The following CEP295 variants were observed in gnomAD, a reference collection of about 807,000 sequenced individuals.
The protein encoded by CEP295 is centrosomal protein of 295 kDa.
CEP295 carries 190 observed loss-of-function variants against 291.6 expected under a neutral mutation model. That is an observed-to-expected ratio of 0.65 (90% CI 0.58 to 0.73). The LOEUF (loss-of-function observed/expected upper bound fraction) is 0.73. Among genes scored for constraint, CEP295 ranks in the 30% least tolerant of loss-of-function variants. The probability of loss-of-function intolerance (pLI) is 0.00; values close to 1 mark genes in which losing one functional copy is unlikely to be tolerated. For synonymous variants in CEP295, 993 were observed against 1,038.8 expected, an observed-to-expected ratio of 0.96 and a Z score of 0.85; for missense variants, 2,863 against 2,949.4, an observed-to-expected ratio of 0.97 and a Z score of 0.68.
Position 93,727,162 on chromosome 11 carries a change from AG to A in CEP295, c.6687del (p.Gln2229HisfsTer4). 6.4e-7 allele frequency: 1 copy of A among 1,550,590 alleles called. No individual in the cohort carries two copies. The stretch of plus-strand genomic sequence containing the variant: ...AACAAGAAAAAAATTGTTCATTTCC[AG>A]CTTTCTATAGGAAACTTAAGTTCAG... ...LQNKKKIVHF[Q>X]LSIGNLSSVY... On this transcript the variant is annotated frameshift_variant, in exon 24 of 30. Coordinates refer to ENST00000325212, the MANE Select transcript of CEP295 (RefSeq NM_033395.2). LOFTEE classifies it high-confidence loss of function.
intron 9 of CEP295, among the ~76,000 whole-genome samples, chr11:93,685,441 A>G (rs956697516): frequency 2.0e-5 from 3 of 152,196 alleles, no homozygotes; most frequent in East Asian, 1.9e-4. Context: ...TAGGCCTCCT[A>G]TTAGACTCCT....
chr11:93,701,654 A>T (rs1218395128), intron 15 of CEP295, among the ~76,000 whole-genome samples: 1 of 151,994 alleles, frequency 6.6e-6, no homozygotes, highest in Admixed American at 6.6e-5. Context: ...ACCAGGCTGG[A>T]GTGCCGTGAC....
intron 18 of CEP295, among the ~76,000 whole-genome samples, chr11:93,709,165 C>T (rs1055427565): frequency 6.6e-6 from 1 of 152,100 alleles, no homozygotes; most frequent in African/African-American, 2.4e-5. Context: ...TTCCATTTGT[C>T]CATTTTTGCT....
chr11:93,671,153 G>T (rs1320628042), intron 5 of CEP295, among the ~76,000 whole-genome samples: 1 of 152,144 alleles, frequency 6.6e-6, no homozygotes, highest in African/African-American at 2.4e-5. Flanking sequence ...AAAGTGCTAG[G>T]ATTACAGATG....
chr11:93,671,396 A>T (rs1445207052), intron 5 of CEP295, among the ~76,000 whole-genome samples: 1 of 151,884 alleles, frequency 6.6e-6, no homozygotes, highest in Admixed American at 6.6e-5. Flanking sequence ...GATGTTCGTA[A>T]TATCTGAAAT....
Position 93,697,076 on chromosome 11 carries a change from G to A in CEP295, c.2164G>A (p.Asp722Asn). 6.4e-7 allele frequency: 1 copy of A among 1,551,650 alleles called. No individual in the cohort carries two copies. Among genetic ancestry groups the A allele is most frequent in the Non-Finnish European group, 8.7e-7 (1 of 1,146,998 alleles). Residue 722 changes from aspartate to asparagine, a missense_variant, in exon 15 of 30, where the codon GAC becomes AAC. Asp to Asn is a conservative substitution (Grantham distance 23). Transcript: ENST00000325212. ...CTCTCAGACTGAAACACAACAGAGA[G>A]ACTATAAATTGGTCCCCAAAGATTC... is the stretch of plus-strand genomic sequence containing the variant. ...QFSQTETQQRDYKLVPKDSET... is the reference protein window; with the variant it reads ...QFSQTETQQRNYKLVPKDSET...
At chr11:93,721,798 G>C in intron 19 of CEP295, 156 bp from the exon 20 acceptor site, 1 of 719,238 alleles carries the variant, frequency 1.4e-6, no homozygotes. Context: ...ATCATTTCTG[G>C]GCAATGATGA....
Position 93,698,375 on chromosome 11 carries a change from C to G in CEP295, c.3463C>G (p.His1155Asp). Residue 1155 changes from histidine (H) to aspartate (D), a missense_variant, in exon 15 of 30, where the codon CAT (histidine) becomes GAT (aspartate). By Grantham distance (81) the His-to-Asp change is moderately conservative. Transcript: ENST00000325212. ...FQDKSLSFPQ[H>D]SLAQQENLTI... The stretch of plus-strand genomic sequence containing the variant: ...GGATAAGTCTCTTAGTTTTCCACAG[C>G]ATAGCCTGGCACAGCAAGAAAATTT... 1 of 1,552,196 alleles carries G rather than the reference C, an allele frequency of 6.4e-7. No individual in the cohort carries two copies. Among genetic ancestry groups the G allele is most frequent in the Non-Finnish European group, 8.7e-7 (1 of 1,147,104 alleles).
intron 15 of CEP295, among the ~76,000 whole-genome samples, chr11:93,701,440 C>T (rs1035625141): frequency 9.2e-5 from 14 of 152,012 alleles, no homozygotes; most frequent in Admixed American, 2.0e-4. Context: ...CCTTTGATGT[C>T]GAGAAGAAGC....
chr11:93,674,562 T>C (rs1247005124), intron 5 of CEP295, among the ~76,000 whole-genome samples: 1 of 152,186 alleles, frequency 6.6e-6, no homozygotes. Flanking sequence ...TTAAAAGTGC[T>C]TTTTATACAT....
At chr11:93,700,866 CAAATCA>C (rs1952113852) in intron 15 of CEP295, among the ~76,000 whole-genome samples, 1 of 152,132 alleles carries the variant, frequency 6.6e-6, no homozygotes, top group Admixed American at 6.5e-5. Flanking sequence ...CATTTATATA[CAAATCA>C]AAATCAATAC....
Position 93,668,928 on chromosome 11 carries a change from A to T in CEP295, c.430A>T (p.Thr144Ser). The T allele has an allele frequency of 8.5e-7, 1 of 1,173,298 alleles. No individual in the cohort carries two copies. The highest frequency in any genetic ancestry group is 1.4e-5 in the South Asian group (1 of 69,680). The allele number at this position is 1,173,298 out of a possible 1,614,324, so 72.7% of individuals were successfully genotyped here. ...AAAAGAAATATTACTGAAACAAAAA[A>T]CCTGGTAAAGTAATAATTTTTACTA... ...NQKEILLKQK[T>S]WHIKARKEAL... Residue 144 changes from threonine (T) to serine (S), a missense_variant, in exon 4 of 30, where the codon ACC (threonine) becomes TCC (serine). Around this residue, in one of 3 missense-constraint regions of CEP295, gnomAD observed 554 missense variants for 576.0 expected, o/e 0.96. Coordinates refer to ENST00000325212, the MANE Select transcript of CEP295 (RefSeq NM_033395.2).
At chr11:93,700,634 A>C (rs868202862) in intron 15 of CEP295, among the ~76,000 whole-genome samples, 1 of 151,364 alleles carries the variant, frequency 6.6e-6, no homozygotes, top group Admixed American at 6.6e-5. Flanking sequence ...GGGTTTCCCC[A>C]TGTTGCTGGG....
intron 5 of CEP295, among the ~76,000 whole-genome samples, chr11:93,673,435 C>T (rs918271766): frequency 2.6e-5 from 4 of 152,166 alleles, no homozygotes; most frequent in Non-Finnish European, 4.4e-5. Context: ...TAGTTATCTT[C>T]TGACTGGTCT....
intron 15 of CEP295, 42 bp from the exon 16 acceptor site, chr11:93,702,417 TC>T (rs1180446954): frequency 1.8e-5 from 24 of 1,330,694 alleles, no homozygotes; most frequent in Non-Finnish European, 2.2e-5. Flanking sequence ...CTTCACATGA[TC>T]CCCCAACTTG....
At chr11:93,719,458 A>C in intron 18 of CEP295, 1 of 152,006 alleles carries the variant, frequency 6.6e-6, no homozygotes, top group East Asian at 1.9e-4. Flanking sequence ...TGTAGAGATG[A>C]GGTCTTGCTA....
At position 93,729,325 on chromosome 11, in the gene CEP295, TGAGGCTGCAGTGAGG is replaced by T. The variant is rs1253348276; in HGVS notation, c.7303-108_7303-94del. 1.6e-5 allele frequency: 12 copies of T among 736,222 alleles called. No homozygotes were observed. The Middle Eastern group carries it at 1.1e-3, about 70-fold the overall frequency. 45.6% of individuals were successfully genotyped at this position (736,222 alleles called of 1,614,324 possible). On this transcript the variant is annotated intron_variant, in intron 25 of 29. Transcript: ENST00000325212. ...GGGTCTCTGTAGACCCAGCTAAGAT[TGAGGCTGCAGTGAGG>T]TGTGATCATGCCGCTGCACTCTAAT...
intron 18 of CEP295, among the ~76,000 whole-genome samples, chr11:93,711,613 C>G (rs1227851650): frequency 6.6e-6 from 1 of 152,204 alleles, no homozygotes; most frequent in Non-Finnish European, 1.5e-5. Flanking sequence ...AGCAATTCTT[C>G]TGCCTCAGCC....
chr11:93,721,701 T>TAC (rs71064775), intron 19 of CEP295: 37 of 644,338 alleles, frequency 5.7e-5, no homozygotes, highest in Admixed American at 7.9e-5. Flanking sequence ...TGTGTGTGTG[T>TAC]ACGCACATGT....
Sources: allele counts gnomAD v4.1 joint callset (sites outside exome capture counted in the v4.1 genomes callset), GRCh38; gene constraint gnomAD v4.1.1; regional missense constraint gnomAD v4.1.1; transcripts MANE v1.5; gene names NCBI Gene and HGNC (gene_info 2026-07-23, HGNC 2026-07-21).